Variants in HEXB observed in about 807,000 individuals in gnomAD.
The protein encoded by HEXB is hexosaminidase subunit beta, also known as beta-hexosaminidase subunit beta.
HEXB carries 51 observed loss-of-function variants against 71.2 expected under a neutral mutation model. The ratio of observed to expected loss-of-function variants is 0.72; its 90% CI spans 0.57 to 0.90. The LOEUF is 0.90. Ranked by LOEUF, HEXB falls within the 40% of genes least tolerant of loss-of-function variation. The probability of loss-of-function intolerance (pLI) is 0.00; values close to 1 mark genes in which losing one functional copy is unlikely to be tolerated. For synonymous variants in HEXB, 266 were observed against 249.3 expected (o/e 1.07, Z -0.63); for missense variants, 617 against 677.0 (o/e 0.91, Z 0.98).
intron 1 of HEXB, among the ~76,000 whole-genome samples, chr5:74,649,027 T>C (rs1339890453): frequency 1.3e-5 from 2 of 152,200 alleles, no homozygotes; most frequent in Non-Finnish European, 2.9e-5. Flanking sequence ...TCTGAAGATA[T>C]TCAAAACCAA....
upstream of HEXB, among the ~76,000 whole-genome samples, chr5:74,684,385 G>T (rs1338133057): frequency 6.6e-6 from 1 of 152,210 alleles, no homozygotes; most frequent in Non-Finnish European, 1.5e-5. Flanking sequence ...TCTCTCTCAG[G>T]ATTCCTTGGG....
At chr5:74,647,899 C>T (rs879514522) in intron 1 of HEXB, among the ~76,000 whole-genome samples, 3 of 152,238 alleles carry the variant, frequency 2.0e-5, no homozygotes, top group Non-Finnish European at 4.4e-5. Context: ...TTTCACTAGG[C>T]TTCTCTCCCA....
At chr5:74,684,864 TC>T (rs530663200), upstream of HEXB, among the ~76,000 whole-genome samples, 134 of 151,826 alleles carry the variant, frequency 8.8e-4, no homozygotes, top group Middle Eastern at 6.8e-3. Flanking sequence ...TTTTGTAGAG[TC>T]GGGGTTTCAC....
intron 6 of HEXB, among the ~76,000 whole-genome samples, chr5:74,711,418 A>C (rs1229834701): frequency 6.6e-6 from 1 of 151,830 alleles, no homozygotes; most frequent in Non-Finnish European, 1.5e-5. Flanking sequence ...TGGCAACAAA[A>C]GCCAAAATTG....
At chr5:74,666,104 A>G (rs939168243) in intron 1 of HEXB, among the ~76,000 whole-genome samples, 3 of 152,216 alleles carry the variant, frequency 2.0e-5, no homozygotes, top group African/African-American at 7.2e-5. Context: ...TATTACTTGG[A>G]GACAGGAGAA....
intron 6 of HEXB, among the ~76,000 whole-genome samples, chr5:74,712,279 T>G (rs1329983953): frequency 2.3e-5 from 2 of 88,450 alleles, no homozygotes; most frequent in Non-Finnish European, 4.6e-5. Flanking sequence ...TGGGGACTGT[T>G]GTGGGGTGGG....
intron 11 of HEXB, chr5:74,720,086 A>C: frequency 3.1e-6 from 1 of 322,494 alleles, no homozygotes. Flanking sequence ...TAAATAGGCA[A>C]CCAGGGATTT....
At chr5:74,717,670 T>TA (rs141306955) in intron 9 of HEXB, among the ~76,000 whole-genome samples, 2,259 of 149,708 alleles carry the variant, frequency 0.015, 48 homozygotes, top group African/African-American at 0.05. Context: ...TTTTAAAACT[T>TA]AAAAAAAAAT....
intron 1 of HEXB, among the ~76,000 whole-genome samples, chr5:74,653,101 G>A (rs909570078): frequency 3.3e-5 from 5 of 152,158 alleles, no homozygotes; most frequent in African/African-American, 1.2e-4. Flanking sequence ...ACTACAGTAG[G>A]AGGCATTATA....
intron 1 of HEXB, among the ~76,000 whole-genome samples, chr5:74,651,604 G>A (rs1376830504): frequency 6.6e-6 from 1 of 152,080 alleles, no homozygotes; most frequent in Admixed American, 6.5e-5. Context: ...CACATTCAGG[G>A]ACATCACTTA....
chr5:74,700,058 G>A (rs1360358152), intron 5 of HEXB, among the ~76,000 whole-genome samples: 1 of 135,224 alleles, frequency 7.4e-6, no homozygotes, highest in Non-Finnish European at 1.5e-5. Context: ...CCAGACTGGA[G>A]TGCAGTGGCA....
Position 74,718,850 on chromosome 5 carries a change from A to T in HEXB, c.1296A>T (p.Glu432Asp), listed in dbSNP as rs1456292951. ...GGAAAGACAGCGCATATCCTGAGGA[A>T]CTCAGTAGAGTCACAGCATCTGGCT... is the stretch of plus-strand genomic sequence containing the variant. The part of the protein sequence containing the change: ...EVWKDSAYPE[E>D]LSRVTASGFP... Residue 432 changes from glutamate to aspartate, a missense_variant, in exon 11 of 14, where the codon GAA (glutamate) becomes GAT (aspartate). Coordinates refer to ENST00000261416, the MANE Select transcript of HEXB (RefSeq NM_000521.4). The T allele has an allele frequency of 6.2e-7, 1 of 1,613,990 alleles. No individual in the cohort carries two copies. Among genetic ancestry groups the T allele is most frequent in the Non-Finnish European group, 8.5e-7 (1 of 1,179,992 alleles).
At chr5:74,715,163 T>A (rs1475361179) in intron 7 of HEXB, among the ~76,000 whole-genome samples, 1 of 152,218 alleles carries the variant, frequency 6.6e-6, no homozygotes, top group Non-Finnish European at 1.5e-5. Context: ...TTGTTTTTTG[T>A]TAGCTTGTAT....
At chr5:74,671,345 G>A (rs888623785) in intron 1 of HEXB, among the ~76,000 whole-genome samples, 4 of 151,448 alleles carry the variant, frequency 2.6e-5, no homozygotes, top group Non-Finnish European at 5.9e-5. Context: ...GCAATAACAG[G>A]AATAAACTGT....
chr5:74,677,884 C>T lies in HEXB; in HGVS notation c.-376-11444C>T, dbSNP rs573169470. Among the ~76,000 whole-genome samples the T allele has an allele frequency of 2.0e-5, 3 of 151,948 alleles. No homozygotes were observed. In the East Asian group the frequency reaches 5.8e-4, roughly 29 times the overall value. ...CTCCCCTTTCTGAGTCTCCACAGTCCATTATATCGCTCTGTATGTGGAAGG... is the reference window on the plus strand; with the variant it reads ...CTCCCCTTTCTGAGTCTCCACAGTCTATTATATCGCTCTGTATGTGGAAGG... On this transcript the variant is annotated intron_variant, in intron 1 of 13. Transcript: ENST00000511181.
chr5:74,689,474 G>A lies in HEXB; in HGVS notation c.445+1G>A, dbSNP rs761197472. Reference sequence around the variant, plus strand: ...CCCAACATATCTTCAGATGAGTCTTGTAAGTACCTATGCAATGTGAGTGTA... The same window carrying A: ...CCCAACATATCTTCAGATGAGTCTTATAAGTACCTATGCAATGTGAGTGTA... On this transcript the variant is annotated splice_donor_variant, in intron 2 of 13. Coordinates refer to ENST00000261416, the MANE Select transcript of HEXB (RefSeq NM_000521.4). LOFTEE classifies it high-confidence loss of function. 2 of 1,612,774 alleles carry A rather than the reference G, an allele frequency of 1.2e-6. No homozygotes were observed. Among genetic ancestry groups the A allele is most frequent in the Admixed American group, 3.3e-5 (2 of 60,010 alleles).
At chr5:74,699,670 G>A (rs1446842928) in intron 5 of HEXB, among the ~76,000 whole-genome samples, 6 of 152,176 alleles carry the variant, frequency 3.9e-5, no homozygotes, top group Admixed American at 3.3e-4. Context: ...TACTACTGCA[G>A]TGTTTTATAC....
chr5:74,687,799 A>T (rs1748907150), intron 1 of HEXB, among the ~76,000 whole-genome samples: 1 of 152,222 alleles, frequency 6.6e-6, no homozygotes, highest in African/African-American at 2.4e-5. Flanking sequence ...TTTTCCTATG[A>T]GAAGGGCCCT....
intron 1 of HEXB, among the ~76,000 whole-genome samples, chr5:74,646,532 C>A (rs540202481): frequency 2.4e-4 from 37 of 151,912 alleles, no homozygotes; most frequent in Non-Finnish European, 4.9e-4. Flanking sequence ...GTACTGGGAC[C>A]ACTGGTCTTA....
Sources: gnomAD v4.1 joint callset for allele counts (sites outside exome capture counted in the v4.1 genomes callset) on GRCh38, gnomAD v4.1.1 for gene constraint, MANE v1.5 for transcripts, NCBI Gene and HGNC (gene_info 2026-07-23, HGNC 2026-07-21) for gene names.